Variants in IGF2BP3 observed in about 807,000 individuals in gnomAD.
IGF2BP3 encodes the protein insulin like growth factor 2 mRNA binding protein 3, also known as insulin-like growth factor 2 mRNA-binding protein 3.
IGF2BP3 carries 9 observed loss-of-function variants against 73.8 expected under a neutral mutation model. That is an observed-to-expected ratio of 0.12 (90% CI 0.07 to 0.21). The LOEUF is 0.21. Ranked by LOEUF, IGF2BP3 falls within the 10% of genes least tolerant of loss-of-function variation. The pLI is 1.00. For synonymous variants in IGF2BP3, 258 were observed against 256.7 expected (o/e 1.01, Z -0.05); for missense variants, 542 against 714.0 (o/e 0.76, Z 2.75).
Position 23,361,739 on chromosome 7 carries a change from C to G in IGF2BP3, c.288G>C (p.Val96=), listed in dbSNP as rs767453416. The change falls in exon 4 of 15, where the codon GTG becomes GTC. Residue 96 remains valine, a splice_region_variant and synonymous_variant. Coordinates refer to ENST00000258729, the MANE Select transcript of IGF2BP3 (RefSeq NM_006547.3). ...CATACTGGACTAGTAAACTATCCAG[C>G]ACCTATCAGGAGGGGGAGAGAAAAT... The part of the protein sequence containing the change: ...RNIPPHLQWE[V]LDSLLVQYGV... The G allele has an allele frequency of 6.2e-7, 1 of 1,610,216 alleles. No individual in the cohort carries two copies.
intron 13 of IGF2BP3, 93 bp downstream of exon 13, chr7:23,313,429 T>C (rs915514229): frequency 5.6e-6 from 8 of 1,434,702 alleles, no homozygotes; most frequent in Admixed American, 2.2e-5. Flanking sequence ...CTGCTTTTTA[T>C]AAATTAGCCA....
In IGF2BP3 at chr7:23,405,418, T is replaced by TA. The variant is rs560109216; in HGVS notation, c.285+13357_285+13358insT. On this transcript the variant is annotated intron_variant, in intron 3 of 14. Transcript: ENST00000258729. ...AGAAACTGAAGTGATTTGCTTCTTTTTTTCCCTCTGCTATGCCCCAGCCTA... is the reference window on the plus strand; with the variant it reads ...AGAAACTGAAGTGATTTGCTTCTTTTATTTCCCTCTGCTATGCCCCAGCCTA... Among the ~76,000 whole-genome samples, 6 of 152,340 alleles carry TA rather than the reference T, an allele frequency of 3.9e-5. No individual in the cohort carries two copies. In the East Asian group the frequency reaches 1.2e-3, roughly 29 times the overall value.
At position 23,347,065 on chromosome 7, in the gene IGF2BP3, T is replaced by A. The variant is rs1005590437; in HGVS notation, c.818+535A>T. Among the ~76,000 whole-genome samples, 3 of 152,346 alleles carry A rather than the reference T, an allele frequency of 2.0e-5. No homozygotes were observed. In the East Asian group the frequency reaches 5.8e-4, roughly 29 times the overall value. On this transcript the variant is annotated intron_variant, in intron 7 of 14. Coordinates refer to ENST00000258729, the MANE Select transcript of IGF2BP3 (RefSeq NM_006547.3). ...CAGTGCCTTACTCTCGATTCTACTT[T>A]CAGTGCAGCGCTGTTCTGTACGCTA...
At chr7:23,331,313 T>G (rs544451390) in intron 10 of IGF2BP3, among the ~76,000 whole-genome samples, 4 of 152,312 alleles carry the variant, frequency 2.6e-5, no homozygotes, top group African/African-American at 2.4e-5. Flanking sequence ...GGCACAGAAG[T>G]TTATGTTTAA....
intron 3 of IGF2BP3, chr7:23,413,593 C>G (rs997672251): frequency 6.6e-6 from 1 of 152,118 alleles, no homozygotes; most frequent in African/African-American, 2.4e-5. Context: ...ATGTCAAGTA[C>G]TCCACTAAGG....
intron 10 of IGF2BP3, among the ~76,000 whole-genome samples, chr7:23,340,820 G>A (rs962337663): frequency 1.3e-5 from 2 of 151,186 alleles, no homozygotes; most frequent in East Asian, 1.9e-4. Context: ...TAAAAAGCAA[G>A]TATAAAATAT....
At chr7:23,325,193 C>G (rs1388868111) in intron 10 of IGF2BP3, among the ~76,000 whole-genome samples, 3 of 152,252 alleles carry the variant, frequency 2.0e-5, no homozygotes, top group African/African-American at 7.2e-5. Context: ...AGCCCAAAAT[C>G]TCCTTAAGCT....
intron 3 of IGF2BP3, among the ~76,000 whole-genome samples, chr7:23,368,030 G>C (rs1482204761): frequency 2.6e-5 from 4 of 151,512 alleles, no homozygotes; most frequent in African/African-American, 9.7e-5. Context: ...AAAAAACAAA[G>C]TTCATTCAAA....
At chr7:23,355,037 T>C (rs571311476) in intron 5 of IGF2BP3, among the ~76,000 whole-genome samples, 4 of 152,314 alleles carry the variant, frequency 2.6e-5, no homozygotes, top group Admixed American at 2.0e-4. Flanking sequence ...ATCTATGTCA[T>C]ATGGTGATCT....
intron 12 of IGF2BP3, among the ~76,000 whole-genome samples, chr7:23,314,916 G>C (rs2128491421): frequency 6.6e-6 from 1 of 152,116 alleles, no homozygotes; most frequent in South Asian, 2.1e-4. Context: ...TCCTGCCTCA[G>C]CCTCCCAAAC....
chr7:23,381,782 T>C (rs1260433317), intron 3 of IGF2BP3, among the ~76,000 whole-genome samples: 2 of 152,142 alleles, frequency 1.3e-5, no homozygotes, highest in Non-Finnish European at 2.9e-5. Context: ...TTGGCAGGGC[T>C]GGTCTCGAAC....
At position 23,346,073 on chromosome 7, in the gene IGF2BP3, A is replaced by C. The variant is rs1166926148; in HGVS notation, c.819-11T>G. On this transcript the variant is annotated splice_polypyrimidine_tract_variant and intron_variant, in intron 7 of 14. Transcript: ENST00000258729. ...GGGATCTCTTCTGTGCTGTAAATAG[A>C]AAAGTGGCCATAAAATTAGAATAAG... 1.3e-6 allele frequency: 2 copies of C among 1,598,144 alleles called. No homozygotes were observed. Among genetic ancestry groups the C allele is most frequent in the Non-Finnish European group, 1.7e-6 (2 of 1,175,840 alleles).
At chr7:23,341,482 A>G (rs929480751) in intron 10 of IGF2BP3, among the ~76,000 whole-genome samples, 2 of 152,222 alleles carry the variant, frequency 1.3e-5, no homozygotes, top group African/African-American at 2.4e-5. Context: ...CCTGAACAAC[A>G]TGGCGAAACC....
chr7:23,317,395 C>G (rs1250024113), intron 12 of IGF2BP3, among the ~76,000 whole-genome samples: 2 of 152,190 alleles, frequency 1.3e-5, no homozygotes, highest in African/African-American at 4.8e-5. Context: ...CATAGGATTA[C>G]AAACCATTAA....
intron 2 of IGF2BP3, among the ~76,000 whole-genome samples, chr7:23,455,719 T>C (rs1788299990): frequency 6.6e-6 from 1 of 152,198 alleles, no homozygotes; most frequent in South Asian, 2.1e-4. Flanking sequence ...GGAGTCTCCC[T>C]CTGTTGCCCA....
intron 2 of IGF2BP3, among the ~76,000 whole-genome samples, chr7:23,452,963 T>C (rs1291484220): frequency 6.6e-6 from 1 of 151,486 alleles, no homozygotes; most frequent in Non-Finnish European, 1.5e-5. Context: ...AATACAAAAA[T>C]TAGCTGGGCA....
intron 1 of IGF2BP3, 94 bp from the exon 2 acceptor site, chr7:23,468,636 C>A (rs931438458): frequency 9.2e-6 from 12 of 1,305,324 alleles, no homozygotes; most frequent in Non-Finnish European, 1.3e-5. Context: ...CAAATGGCCT[C>A]CTGAGGCCCT....
chr7:23,406,066 TTA>T (rs1786819855), intron 3 of IGF2BP3, among the ~76,000 whole-genome samples: 1 of 136,260 alleles, frequency 7.3e-6, no homozygotes, highest in Admixed American at 7.3e-5. Flanking sequence ...AATTTTCTGA[TTA>T]AAAAAAAAAA....
chr7:23,419,644 G>C (rs923403079), intron 2 of IGF2BP3, among the ~76,000 whole-genome samples: 1 of 152,164 alleles, frequency 6.6e-6, no homozygotes, highest in Non-Finnish European at 1.5e-5. Context: ...TTGAGGTCTG[G>C]AGGTCAGGAC....
Sources: gnomAD v4.1 joint callset for allele counts (sites outside exome capture counted in the v4.1 genomes callset) on GRCh38, gnomAD v4.1.1 for gene constraint, MANE v1.5 for transcripts, NCBI Gene and HGNC (gene_info 2026-07-23, HGNC 2026-07-21) for gene names.